Variants in GRIK2 observed in about 807,000 individuals in gnomAD.
GRIK2 encodes the protein glutamate receptor ionotropic, kainate 2.
GRIK2 carries 32 observed loss-of-function variants against 100.3 expected under a neutral mutation model. The observed-to-expected ratio is 0.32, with a 90% CI of 0.24 to 0.43. The LOEUF (loss-of-function observed/expected upper bound fraction) is 0.43, where lower values mean the gene tolerates loss of function less well. GRIK2 is among the 20% of genes least tolerant of loss of function. GRIK2 has a pLI of 1.00. For synonymous variants in GRIK2, 417 were observed against 389.4 expected (o/e 1.07, Z -0.83); for missense variants, 843 against 1,114.9 (o/e 0.76, Z 3.47).
At chr6:102,008,809 T>A (rs1282887616) in intron 14 of GRIK2, among the ~76,000 whole-genome samples, 1 of 152,096 alleles carries the variant, frequency 6.6e-6, no homozygotes, top group African/African-American at 2.4e-5. Flanking sequence ...TATACAGCCA[T>A]TTATAACCAG....
chr6:102,008,044 AAAC>A (rs750731574), intron 14 of GRIK2, among the ~76,000 whole-genome samples: 3 of 152,128 alleles, frequency 2.0e-5, no homozygotes, highest in South Asian at 2.1e-4. Flanking sequence ...GGAAAAGGAA[AAAC>A]AACAACAACA....
chr6:101,821,927 G>T (rs1019710338), intron 10 of GRIK2, among the ~76,000 whole-genome samples: 1 of 152,010 alleles, frequency 6.6e-6, no homozygotes, highest in Non-Finnish European at 1.5e-5. Flanking sequence ...GAGATACAAG[G>T]AGATGTTAAC....
chr6:101,560,439 A>C (rs949997140), intron 2 of GRIK2, among the ~76,000 whole-genome samples: 1 of 152,090 alleles, frequency 6.6e-6, no homozygotes, highest in Non-Finnish European at 1.5e-5. Context: ...AAAAAGTTAA[A>C]GATCGTGTAT....
In GRIK2 at chr6:101,813,140, T is replaced by TAC. The variant is rs1322591369; in HGVS notation, c.1204-5229_1204-5228insCA. The stretch of plus-strand genomic sequence containing the variant: ...ACATAGACATATGTAAACATCCACA[T>TAC]ATACACACACACACACACACATATA... On this transcript the variant is annotated intron_variant, in intron 9 of 16. Coordinates refer to ENST00000369134, the MANE Select transcript of GRIK2 (RefSeq NM_021956.5). Among the ~76,000 whole-genome samples, 25 of 151,652 alleles carry TAC rather than the reference T, an allele frequency of 1.6e-4. 2 individuals are homozygous for TAC. In the South Asian group the frequency reaches 5.0e-3, roughly 30 times the overall value.
At chr6:101,608,815 A>G (rs200681525) in intron 2 of GRIK2, among the ~76,000 whole-genome samples, 11,086 of 120,218 alleles carry the variant, frequency 0.092, 1,213 homozygotes, top group African/African-American at 0.3. Context: ...GTGTGTGTGT[A>G]TGTATGTATG....
At chr6:101,610,248 T>C (rs1779613447) in intron 2 of GRIK2, among the ~76,000 whole-genome samples, 1 of 151,616 alleles carries the variant, frequency 6.6e-6, no homozygotes, top group South Asian at 2.1e-4. Context: ...ATATAAATAA[T>C]AGATACTGTT....
chr6:101,496,322 A>C (rs1439251049), intron 2 of GRIK2, among the ~76,000 whole-genome samples: 1 of 152,172 alleles, frequency 6.6e-6, no homozygotes, highest in Non-Finnish European at 1.5e-5. Context: ...TGATAATAAA[A>C]CATTGTTAGG....
intron 7 of GRIK2, among the ~76,000 whole-genome samples, chr6:101,737,602 A>G (rs1775728546): frequency 6.6e-6 from 1 of 152,196 alleles, no homozygotes; most frequent in South Asian, 2.1e-4. Flanking sequence ...TCCCTCCACA[A>G]CATGTGGCAA....
At position 101,602,933 on chromosome 6, in the gene GRIK2, A is replaced by C. The variant is rs1032724645; in HGVS notation, c.116-19016A>C. ...TCAAACAGAATTGTTTTTTGGAACA[A>C]GATTATCATCTCTATCTTCTCTATA... On this transcript the variant is annotated intron_variant, in intron 2 of 16. Transcript: ENST00000369134. 2.0e-5 allele frequency among the ~76,000 whole-genome samples: 3 copies of C among 151,842 alleles called. No homozygotes were observed. The Admixed American group carries it at 2.0e-4, about 10-fold the overall frequency.
At chr6:101,493,695 A>G (rs1189062790) in intron 2 of GRIK2, among the ~76,000 whole-genome samples, 1 of 151,698 alleles carries the variant, frequency 6.6e-6, no homozygotes. Context: ...GAAAAGCAGA[A>G]GTCCAATCAG....
At chr6:101,603,148 A>AT (rs1779299721) in intron 2 of GRIK2, among the ~76,000 whole-genome samples, 1 of 145,614 alleles carries the variant, frequency 6.9e-6, no homozygotes, top group African/African-American at 2.6e-5. Flanking sequence ...CATATACCTG[A>AT]AAACACTGGA....
At chr6:101,500,960 C>T (rs1773718690) in intron 2 of GRIK2, among the ~76,000 whole-genome samples, 1 of 138,470 alleles carries the variant, frequency 7.2e-6, no homozygotes, top group Non-Finnish European at 1.6e-5. Flanking sequence ...TTAATATTAA[C>T]AGTACTTCAA....
chr6:101,979,167 T>C (rs1049840339), intron 14 of GRIK2, among the ~76,000 whole-genome samples: 10 of 151,958 alleles, frequency 6.6e-5, no homozygotes, highest in Non-Finnish European at 1.5e-4. Context: ...GTTTTAGGAC[T>C]GAAAGATTGT....
At chr6:101,958,642 G>T (rs1428678991) in intron 14 of GRIK2, among the ~76,000 whole-genome samples, 1 of 151,914 alleles carries the variant, frequency 6.6e-6, no homozygotes, top group Non-Finnish European at 1.5e-5. Flanking sequence ...TTCCTGTTTA[G>T]TATGATGTTG....
At chr6:101,708,056 G>A (rs1773460644) in intron 7 of GRIK2, among the ~76,000 whole-genome samples, 1 of 151,604 alleles carries the variant, frequency 6.6e-6, no homozygotes, top group African/African-American at 2.4e-5. Flanking sequence ...CTGGGCATTG[G>A]GGATACAACA....
At chr6:101,642,194 A>T (rs991313659) in intron 4 of GRIK2, among the ~76,000 whole-genome samples, 7 of 151,864 alleles carry the variant, frequency 4.6e-5, no homozygotes, top group Admixed American at 1.3e-4. Context: ...TTCTTAGAAC[A>T]TGTATAACAG....
chr6:101,546,278 A>G (rs1048677597), intron 2 of GRIK2, among the ~76,000 whole-genome samples: 4 of 152,190 alleles, frequency 2.6e-5, no homozygotes, highest in African/African-American at 9.6e-5. Context: ...AGAAAAGGTG[A>G]TAAATATTTC....
intron 2 of GRIK2, among the ~76,000 whole-genome samples, chr6:101,484,718 G>T (rs1433739294): frequency 6.6e-6 from 1 of 151,920 alleles, no homozygotes; most frequent in Admixed American, 6.6e-5. Flanking sequence ...ATTTTCTTCA[G>T]GTGTCAGAGA....
chr6:101,463,215 T>C (rs898841123), intron 2 of GRIK2, among the ~76,000 whole-genome samples: 1 of 152,076 alleles, frequency 6.6e-6, no homozygotes, highest in Non-Finnish European at 1.5e-5. Flanking sequence ...AGAGACAGTA[T>C]CCATAGTCTG....
Sources: allele counts gnomAD v4.1 joint callset (sites outside exome capture counted in the v4.1 genomes callset), GRCh38; gene constraint gnomAD v4.1.1; transcripts MANE v1.5; gene names NCBI Gene and HGNC (gene_info 2026-07-23, HGNC 2026-07-21).